The following PDSS1 variants were observed in gnomAD, a reference collection of about 807,000 sequenced individuals.
The protein encoded by PDSS1 is decaprenyl diphosphate synthase subunit 1, also known as all trans-polyprenyl-diphosphate synthase PDSS1.
Under a neutral mutation model 57.5 loss-of-function variants are expected in PDSS1, and 43 were observed. That is an observed-to-expected ratio of 0.75 (90% CI 0.59 to 0.96). PDSS1 has a LOEUF of 0.96. Among genes scored for constraint, PDSS1 ranks in the 50% least tolerant of loss-of-function variants. The probability of loss-of-function intolerance (pLI) is 0.00; values close to 1 mark genes in which losing one functional copy is unlikely to be tolerated. For synonymous variants in PDSS1, 175 were observed against 191.3 expected (o/e 0.91, Z 0.70); for missense variants, 438 against 527.8 (o/e 0.83, Z 1.67).
intron 8 of PDSS1, among the ~76,000 whole-genome samples, chr10:26,732,486 C>T (rs1475948073): frequency 6.6e-6 from 1 of 152,078 alleles, no homozygotes; most frequent in Non-Finnish European, 1.5e-5. Context: ...CTTGGAGGTT[C>T]TATTTTGTTG....
At chr10:26,705,137 T>G in intron 3 of PDSS1, 149 bp from the exon 4 acceptor site, 2 of 660,348 alleles carry the variant, frequency 3.0e-6, no homozygotes, top group Non-Finnish European at 5.6e-6. Context: ...GAATTCTGTA[T>G]GTTTTTCCAA....
intron 4 of PDSS1, among the ~76,000 whole-genome samples, chr10:26,708,609 G>A (rs978913601): frequency 6.6e-6 from 1 of 152,122 alleles, no homozygotes; most frequent in Non-Finnish European, 1.5e-5. Context: ...TGGGCTCTAT[G>A]CGCTTACGTG....
intron 8 of PDSS1, among the ~76,000 whole-genome samples, chr10:26,734,995 C>A (rs1165964366): frequency 6.6e-6 from 1 of 152,198 alleles, no homozygotes; most frequent in Non-Finnish European, 1.5e-5. Flanking sequence ...GGCTGCTTAT[C>A]CTGTCTGAAA....
rs1309040911 is a variant in PDSS1 at position 26,746,643 on chromosome 10, C to CTT, written c.*174_*175dup. On this transcript the variant is annotated 3_prime_UTR_variant, in exon 12 of 12. Coordinates refer to ENST00000376215, the MANE Select transcript of PDSS1 (RefSeq NM_014317.5). ...TTATTGCAAAAGTTTTTTCAGAAAA[C>CTT]TTTTTAAATGTAATTAATAAACCAC... 1 of 664,644 alleles carries CTT rather than the reference C, an allele frequency of 1.5e-6. No homozygotes were observed. Among genetic ancestry groups the CTT allele is most frequent in the African/African-American group, 1.8e-5 (1 of 55,006 alleles). 41.2% of individuals were successfully genotyped at this position (664,644 alleles called of 1,614,324 possible).
At chr10:26,737,717 C>T (rs528491378) in intron 10 of PDSS1, among the ~76,000 whole-genome samples, 60 of 103,686 alleles carry the variant, frequency 5.8e-4, no homozygotes, top group African/African-American at 2.3e-3. Flanking sequence ...AGTGAGACTC[C>T]GTCTCAAAAA....
chr10:26,709,167 G>T (rs1292265080), intron 4 of PDSS1, among the ~76,000 whole-genome samples: 1 of 152,216 alleles, frequency 6.6e-6, no homozygotes, highest in Non-Finnish European at 1.5e-5. Flanking sequence ...TAGCCTGCAG[G>T]ACAGCCAGGT....
At chr10:26,730,119 A>T (rs1166123522) in intron 8 of PDSS1, among the ~76,000 whole-genome samples, 2 of 151,370 alleles carry the variant, frequency 1.3e-5, no homozygotes, top group Non-Finnish European at 2.9e-5. Flanking sequence ...TCATGGTGTT[A>T]GCCAGGATGG....
chr10:26,729,904 CTTTTTTTTTTTTTT>C (rs71403886), intron 8 of PDSS1, among the ~76,000 whole-genome samples: 5 of 75,350 alleles, frequency 6.6e-5, no homozygotes, highest in African/African-American at 2.1e-4. Context: ...TAGTTGGTTC[CTTTTTTTTTTTTTT>C]TTTTTTTTTT....
chr10:26,735,474 T>C lies in PDSS1; in HGVS notation c.921T>C (p.Asp307=), dbSNP rs1836364597. 1 of 1,606,494 alleles carries C rather than the reference T, an allele frequency of 6.2e-7. No individual in the cohort carries two copies. The highest frequency in any genetic ancestry group is 8.5e-7 in the Non-Finnish European group (1 of 1,173,144). The change falls in exon 10 of 12, where the codon GAT becomes GAC. Residue 307 remains aspartate (D), a synonymous_variant. Coordinates refer to ENST00000376215, the MANE Select transcript of PDSS1 (RefSeq NM_014317.5). ...ATTTTTCCTTTTGCCAGCTAATAGA[T>C]GATGTATTGGACTTCACCTCGTGTT... ...KNVGIAFQLI[D]DVLDFTSCSD... is the part of the protein sequence containing the mutation.
intron 10 of PDSS1, 23 bp from the exon 11 acceptor site, chr10:26,742,474 G>A (rs749192173): frequency 1.3e-6 from 2 of 1,555,460 alleles, no homozygotes; most frequent in Non-Finnish European, 1.8e-6. Context: ...GATTTTCTCA[G>A]ATTTTCTCTC....
At chr10:26,746,090 T>G (rs1434862767) in intron 11 of PDSS1, among the ~76,000 whole-genome samples, 1 of 152,206 alleles carries the variant, frequency 6.6e-6, no homozygotes, top group African/African-American at 2.4e-5. Context: ...GACTATGTAA[T>G]ATTGATGAGC....
chr10:26,731,919 G>GT (rs1166176174), intron 8 of PDSS1, among the ~76,000 whole-genome samples: 1 of 152,194 alleles, frequency 6.6e-6, no homozygotes, highest in East Asian at 1.9e-4. Context: ...AGCCTCCCAA[G>GT]TAGCTGGGAT....
intron 8 of PDSS1, 70 bp from the exon 9 acceptor site, chr10:26,735,170 T>A (rs1836348600): frequency 9.4e-7 from 1 of 1,064,678 alleles, no homozygotes; most frequent in Non-Finnish European, 1.5e-6. Context: ...AAGGAATTCC[T>A]TCAGCCAGGG....
At chr10:26,703,581 G>A (rs1313139678) in intron 2 of PDSS1, among the ~76,000 whole-genome samples, 1 of 152,140 alleles carries the variant, frequency 6.6e-6, no homozygotes, top group Non-Finnish European at 1.5e-5. Context: ...AATTACCCAT[G>A]TAGACTGAAA....
chr10:26,717,653 A>G (rs1031536175), intron 5 of PDSS1: 1 of 152,182 alleles, frequency 6.6e-6, no homozygotes, highest in Non-Finnish European at 1.5e-5. Flanking sequence ...AGTGCTGCCA[A>G]TTTCATTGCA....
chr10:26,708,006 T>C (rs562622596), intron 4 of PDSS1, among the ~76,000 whole-genome samples: 9 of 152,342 alleles, frequency 5.9e-5, no homozygotes, highest in Admixed American at 1.3e-4. Context: ...TCATTCGTGC[T>C]CTTCTCCTCC....
At chr10:26,718,964 A>G (rs1564424637) in intron 5 of PDSS1, among the ~76,000 whole-genome samples, 1 of 152,164 alleles carries the variant, frequency 6.6e-6, no homozygotes, top group Non-Finnish European at 1.5e-5. Flanking sequence ...AGCACCTTTT[A>G]TGTAGTTATA....
intron 5 of PDSS1, chr10:26,715,635 G>C (rs1442601383): frequency 2.0e-5 from 3 of 152,126 alleles, no homozygotes; most frequent in African/African-American, 7.2e-5. Context: ...GACCTCAAGT[G>C]ATCCGCCTGT....
At chr10:26,721,800 C>G (rs374836739) in intron 6 of PDSS1, among the ~76,000 whole-genome samples, 45 of 152,316 alleles carry the variant, frequency 3.0e-4, no homozygotes, top group African/African-American at 1.1e-3. Flanking sequence ...TGTGTGTCTG[C>G]CTCTGCCACT....
Sources: allele counts gnomAD v4.1 joint callset (sites outside exome capture counted in the v4.1 genomes callset), GRCh38; gene constraint gnomAD v4.1.1; transcripts MANE v1.5; gene names NCBI Gene and HGNC (gene_info 2026-07-23, HGNC 2026-07-21).